MXD1: variants seen among roughly 807,000 people sequenced by gnomAD.
MXD1 encodes the protein MAX-binding protein.
In MXD1, 9 loss-of-function variants were observed where a neutral mutation model predicts 25.7. The ratio of observed to expected loss-of-function variants is 0.35; its 90% CI spans 0.21 to 0.61. The LOEUF (loss-of-function observed/expected upper bound fraction) is 0.61, where lower values mean the gene tolerates loss of function less well. MXD1 is among the 20% of genes least tolerant of loss of function. The pLI, the probability that MXD1 is intolerant of heterozygous loss-of-function variation, is 0.75. For synonymous variants in MXD1, 99 were observed against 113.9 expected (o/e 0.87, Z 0.83); for missense variants, 227 against 292.4 (o/e 0.78, Z 1.63).
chr2:69,936,914 G>A (rs1434399749), intron 4 of MXD1: 2 of 502,376 alleles, frequency 4.0e-6, no homozygotes, highest in Non-Finnish European at 8.0e-6. Flanking sequence ...CTGCAAACAA[G>A]GGAGATCAGG....
At chr2:69,931,366 T>G (rs1677279127) in intron 3 of MXD1, among the ~76,000 whole-genome samples, 1 of 151,984 alleles carries the variant, frequency 6.6e-6, no homozygotes, top group African/African-American at 2.4e-5. Flanking sequence ...CCTCCTACTC[T>G]CTATGTCTGT....
In MXD1 at chr2:69,942,807, T is replaced by C. The variant is rs569065224; in HGVS notation, c.*4523T>C. ...CAATGTAAATCCTGTGTCAAGATCA[T>C]AGAGAATGGTGCTTTTTACTACAGT... On this transcript the variant is annotated 3_prime_UTR_variant, in exon 6 of 6. Coordinates refer to ENST00000264444, the MANE Select transcript of MXD1 (RefSeq NM_002357.4). 4 of 152,348 alleles carry C rather than the reference T, an allele frequency of 2.6e-5. No individual in the cohort carries two copies. The highest frequency in any genetic ancestry group is 9.6e-5 in the African/African-American group (4 of 41,578). The allele number at this position is 152,348 out of a possible 1,614,324, so 9.4% of individuals were successfully genotyped here.
rs143082458 is a variant in MXD1 at position 69,919,643 on chromosome 2, C to T, written c.174-2093C>T. On this transcript the variant is annotated intron_variant, in intron 2 of 5. Transcript: ENST00000264444. ...CCCACTATGCCCATCTACTTTCATCCATTTAAAAAAATCTGTCAGGCTTTG... is the reference window on the plus strand; with the variant it reads ...CCCACTATGCCCATCTACTTTCATCTATTTAAAAAAATCTGTCAGGCTTTG... 1.5e-3 allele frequency among the ~76,000 whole-genome samples: 227 copies of T among 152,188 alleles called. 2 individuals carry two copies. The highest frequency in any genetic ancestry group is 5.1e-3 in the African/African-American group (212 of 41,508).
rs538549508 is a variant in MXD1, at chr2:69,933,746, T to C, written c.204-1605T>C. 2.0e-5 allele frequency among the ~76,000 whole-genome samples: 3 copies of C among 152,380 alleles called. No individual in the cohort carries two copies. The East Asian group carries it at 5.8e-4, about 29-fold the overall frequency. On this transcript the variant is annotated intron_variant, in intron 3 of 5. Transcript: ENST00000264444. ...TGACTTCTTACATTAATATCATGCA[T>C]ATTCACCTGTCCTATAGCTTTCTGA...
chr2:69,924,013 G>A (rs1343265560), intron 3 of MXD1, among the ~76,000 whole-genome samples: 1 of 152,204 alleles, frequency 6.6e-6, no homozygotes, highest in African/African-American at 2.4e-5. Flanking sequence ...GCCACAGAAT[G>A]TCAATTGTAT....
At chr2:69,918,364 T>C (rs1411746875) in intron 2 of MXD1, among the ~76,000 whole-genome samples, 3 of 152,238 alleles carry the variant, frequency 2.0e-5, no homozygotes, top group Non-Finnish European at 4.4e-5. Context: ...AATGCAGATC[T>C]TATTCACGTT....
In MXD1 at chr2:69,941,070, A is replaced by G. The variant is rs1025809448; in HGVS notation, c.*2786A>G. On this transcript the variant is annotated 3_prime_UTR_variant, in exon 6 of 6. Coordinates refer to ENST00000264444, the MANE Select transcript of MXD1 (RefSeq NM_002357.4). ...AGAGATATAAACCCCAGCCTTTAAG[A>G]CTTTGACAATTGTACGTAAATACAG... The G allele has an allele frequency of 3.3e-5, 5 of 152,252 alleles. No individual in the cohort carries two copies. The highest frequency in any genetic ancestry group is 1.2e-4 in the African/African-American group (5 of 41,446). The allele number at this position is 152,252 out of a possible 1,614,324, so 9.4% of individuals were successfully genotyped here. A position where few individuals can be genotyped will look rare whatever the true frequency, so the allele number is the denominator to read the frequency against.
chr2:69,934,632 T>A (rs1677377050), intron 3 of MXD1, among the ~76,000 whole-genome samples: 1 of 152,232 alleles, frequency 6.6e-6, no homozygotes, highest in Non-Finnish European at 1.5e-5. Flanking sequence ...TTTGTCTACA[T>A]ACAAGAAAAC....
intron 3 of MXD1, among the ~76,000 whole-genome samples, chr2:69,923,661 A>C (rs1314939104): frequency 1.3e-5 from 2 of 151,922 alleles, no homozygotes; most frequent in Non-Finnish European, 2.9e-5. Context: ...TTCCCTTTTA[A>C]TTGTTCTATG....
intron 5 of MXD1, 43 bp downstream of exon 5, chr2:69,937,437 C>T: frequency 6.6e-7 from 1 of 1,511,378 alleles, no homozygotes; most frequent in Non-Finnish European, 8.8e-7. Flanking sequence ...TTGTGCTCCC[C>T]AACCCCAGAG....
intron 3 of MXD1, among the ~76,000 whole-genome samples, chr2:69,924,943 A>G (rs1024135207): frequency 3.3e-5 from 5 of 152,228 alleles, no homozygotes; most frequent in African/African-American, 1.2e-4. Flanking sequence ...CTGTAAGGAT[A>G]TTATACCCAA....
At chr2:69,921,178 A>G (rs778274427) in intron 2 of MXD1, among the ~76,000 whole-genome samples, 11 of 152,154 alleles carry the variant, frequency 7.2e-5, no homozygotes, top group Non-Finnish European at 1.3e-4. Context: ...AACTTTGGAA[A>G]CCCCTTCCTA....
intron 2 of MXD1, among the ~76,000 whole-genome samples, chr2:69,920,716 C>G (rs1181893463): frequency 1.3e-5 from 2 of 152,166 alleles, no homozygotes; most frequent in African/African-American, 4.8e-5. Flanking sequence ...TGGTTAAATT[C>G]TAGAGAATTT....
chr2:69,940,126 GA>G lies in MXD1; in HGVS notation c.*1843del, dbSNP rs1195318425. 1 of 116,910 alleles carries G rather than the reference GA, an allele frequency of 8.6e-6. No individual in the cohort carries two copies. Among genetic ancestry groups the G allele is most frequent in the African/African-American group, 3.2e-5 (1 of 31,206 alleles). The allele number at this position is 116,910 out of a possible 1,614,324, so 7.2% of individuals were successfully genotyped here. ...TCTTCATTTTGGCTTTGGGTGGGGG[GA>G]GGGGCAGGTGACACAAAGGATTTTT... On this transcript the variant is annotated 3_prime_UTR_variant, in exon 6 of 6. Coordinates refer to ENST00000264444, the MANE Select transcript of MXD1 (RefSeq NM_002357.4).
rs866502750 is a variant in MXD1, at chr2:69,918,721, T to G, written c.173+2501T>G. Among the ~76,000 whole-genome samples the G allele has an allele frequency of 2.0e-5, 3 of 152,342 alleles. 1 individual carries two copies. Among genetic ancestry groups the G allele is most frequent in the Non-Finnish European group, 1.5e-5 (1 of 68,038 alleles). ...GATACGCCGTAATTTGGCTTAGTTT[T>G]TTTTTATTAGAGTGTATTTTTAAAT... is the stretch of plus-strand genomic sequence containing the variant. On this transcript the variant is annotated intron_variant, in intron 2 of 5. Transcript: ENST00000264444.
In MXD1 at chr2:69,937,245, A is replaced by C. The variant is rs1262836932; in HGVS notation, c.329A>C (p.Asp110Ala). The C allele has an allele frequency of 6.2e-7, 1 of 1,613,810 alleles. No homozygotes were observed. Among genetic ancestry groups the C allele is most frequent in the African/African-American group, 1.3e-5 (1 of 75,048 alleles). The change falls in exon 5 of 6, where the codon GAT becomes GCT. Residue 110 changes from aspartate to alanine, a missense_variant. Physicochemically the swap from Asp to Ala is moderately radical, Grantham distance 126. Coordinates refer to ENST00000264444, the MANE Select transcript of MXD1 (RefSeq NM_002357.4). ...CCCTTTGACTTGCAGAAACTTGAAG[A>C]TTGTGACAGAAAAGCCGTTCACCAA... is the stretch of plus-strand genomic sequence containing the variant. ...KAKLHIKKLE[D>A]CDRKAVHQID...
Position 69,938,082 on chromosome 2 carries a change from T to C in MXD1, c.479-15T>C. On this transcript the variant is annotated splice_polypyrimidine_tract_variant and intron_variant, in intron 5 of 5. Transcript: ENST00000264444. ...GCGCTTTCATCAATGTCCTTCTCTC[T>C]TGTCCTCCCTGCAGAAGAAATCGAC... 1 of 1,612,428 alleles carries C rather than the reference T, an allele frequency of 6.2e-7. No individual in the cohort carries two copies. The highest frequency in any genetic ancestry group is 8.5e-7 in the Non-Finnish European group (1 of 1,178,872).
At position 69,915,461 on chromosome 2, in the gene MXD1, G is replaced by A; in HGVS notation, c.73+58G>A. On this transcript the variant is annotated intron_variant, in intron 1 of 5. Transcript: ENST00000264444. The surrounding 1 kb of genome is among the most constrained non-coding windows in gnomAD (Gnocchi z 5.8). ...CGAGGCCGGGGGTCCTGTGGGGCCGGCCTCAGGTCCGGGCGCCCAGCCGCT... is the reference window on the plus strand; with the variant it reads ...CGAGGCCGGGGGTCCTGTGGGGCCGACCTCAGGTCCGGGCGCCCAGCCGCT... 1 of 1,236,676 alleles carries A rather than the reference G, an allele frequency of 8.1e-7. No homozygotes were observed. Among genetic ancestry groups the A allele is most frequent in the South Asian group, 3.6e-5 (1 of 27,944 alleles). 76.6% of individuals were successfully genotyped at this position (1,236,676 alleles called of 1,614,324 possible).
rs529608806 is a variant in MXD1, at chr2:69,917,834, A to T, written c.173+1614A>T. ...TAATAATCAGTACTATGCCAAAAAA[A>T]AAAAAATAAAGGCTACAAATCCTTC... is the stretch of plus-strand genomic sequence containing the variant. On this transcript the variant is annotated intron_variant, in intron 2 of 5. Coordinates refer to ENST00000264444, the MANE Select transcript of MXD1 (RefSeq NM_002357.4). Among the ~76,000 whole-genome samples the T allele has an allele frequency of 5.5e-3, 654 of 118,724 alleles. 10 individuals carry two copies. Among genetic ancestry groups the T allele is most frequent in the African/African-American group, 0.025 (555 of 22,640 alleles). The allele number at this position is 118,724 out of a possible 152,430, so 77.9% of individuals were successfully genotyped here.
Sources: gnomAD v4.1 joint callset for allele counts (sites outside exome capture counted in the v4.1 genomes callset) on GRCh38, gnomAD v4.1.1 for gene constraint, Gnocchi (gnomAD v3.1) non-coding constraint, MANE v1.5 for transcripts, NCBI Gene and HGNC (gene_info 2026-07-23, HGNC 2026-07-21) for gene names.